The following RINT1 variants were observed in gnomAD, a reference collection of about 807,000 sequenced individuals.
RINT1 encodes RAD50-interacting protein 1.
RINT1 carries 75 observed loss-of-function variants against 97.7 expected under a neutral mutation model. The observed-to-expected ratio is 0.77, with a 90% confidence interval of 0.64 to 0.93. The LOEUF (loss-of-function observed/expected upper bound fraction) is 0.93, where lower values mean the gene tolerates loss of function less well. Among genes scored for constraint, RINT1 ranks in the 40% least tolerant of loss-of-function variants. The pLI is 0.00. For missense variants in RINT1, 892 were observed against 925.2 expected (o/e 0.96, Z 0.47); for synonymous variants, 303 against 326.3 (o/e 0.93, Z 0.77).
intron 7 of RINT1, among the ~76,000 whole-genome samples, chr7:105,549,739 G>A (rs1790846639): frequency 6.6e-6 from 1 of 152,052 alleles, no homozygotes; most frequent in Non-Finnish European, 1.5e-5. Context: ...AAAAAATATA[G>A]GCCATCAGTT....
intron 2 of RINT1, among the ~76,000 whole-genome samples, chr7:105,533,751 A>G (rs777185263): frequency 1.3e-5 from 2 of 152,158 alleles, no homozygotes; most frequent in African/African-American, 2.4e-5. Flanking sequence ...TTCTTGAAGG[A>G]TTTCAGAGTG....
chr7:105,544,526 C>CTG (rs1790581266), intron 4 of RINT1, among the ~76,000 whole-genome samples: 4 of 152,038 alleles, frequency 2.6e-5, no homozygotes, highest in African/African-American at 4.8e-5. Context: ...CCTCCACCTC[C>CTG]CGGGTTCAAG....
intron 3 of RINT1, 153 bp from the exon 4 acceptor site, chr7:105,542,255 A>G (rs1562843756): frequency 2.1e-5 from 13 of 607,720 alleles, no homozygotes; most frequent in Non-Finnish European, 8.6e-6. Flanking sequence ...GGATTGGTTG[A>G]GCCCAGGAAG....
Position 105,550,079 on chromosome 7 carries a change from C to T in RINT1, c.1021C>T (p.Leu341Phe), listed in dbSNP as rs151055286. The stretch of plus-strand genomic sequence containing the variant: ...GCCAGAATGGTACTTGGCTCAAGTA[C>T]TTATGTGGATTGGAAACCATACTGA... ...SKPEWYLAQV[L>F]MWIGNHTEFL... The change falls in exon 8 of 15, where the codon CTT (leucine) becomes TTT (phenylalanine). Residue 341 changes from leucine (L) to phenylalanine (F), a missense_variant. Transcript: ENST00000257700. 5 of 1,612,666 alleles carry T rather than the reference C, an allele frequency of 3.1e-6. No homozygotes were observed. Among genetic ancestry groups the T allele is most frequent in the Non-Finnish European group, 8.5e-7 (1 of 1,179,102 alleles).
chr7:105,554,240 A>C (rs1791074491), intron 10 of RINT1, among the ~76,000 whole-genome samples: 1 of 151,688 alleles, frequency 6.6e-6, no homozygotes, highest in South Asian at 2.1e-4. Flanking sequence ...TCACTGTGTT[A>C]GCCAGGATGG....
Position 105,567,279 on chromosome 7 carries a change from T to A in RINT1, c.2347T>A (p.Leu783Met). Reference sequence around the variant, plus strand: ...ACAAGATGTTGAGATTCTACTTAATTTGAGGACAAATTGGCCTAATACTGG... The same window carrying A: ...ACAAGATGTTGAGATTCTACTTAATATGAGGACAAATTGGCCTAATACTGG... Reference protein sequence around the residue: ...AQQDVEILLNLRTNWPNTGK With the variant: ...AQQDVEILLNMRTNWPNTGK Residue 783 changes from leucine (L) to methionine (M), a missense_variant, in exon 15 of 15, where the codon TTG becomes ATG. Leu to Met is a conservative substitution (Grantham distance 15). Coordinates refer to ENST00000257700, the MANE Select transcript of RINT1 (RefSeq NM_021930.6). 1 of 1,608,018 alleles carries A rather than the reference T, an allele frequency of 6.2e-7. No individual in the cohort carries two copies. The highest frequency in any genetic ancestry group is 8.5e-7 in the Non-Finnish European group (1 of 1,178,310).
Position 105,536,359 on chromosome 7 carries a change from G to A in RINT1, c.89-206G>A, listed in dbSNP as rs146511637. Among the ~76,000 whole-genome samples the A allele has an allele frequency of 9.4e-3, 1,427 of 151,892 alleles. 51 individuals carry two copies. Among genetic ancestry groups the A allele is most frequent in the Admixed American group, 0.064 (979 of 15,226 alleles). On this transcript the variant is annotated intron_variant, in intron 2 of 14. Transcript: ENST00000257700. ...TTTTTAGTAGAGACGGGATTTCGCCGTGTTTGCCAGGCTAGTCTTAAACTC... is the reference window on the plus strand; with the variant it reads ...TTTTTAGTAGAGACGGGATTTCGCCATGTTTGCCAGGCTAGTCTTAAACTC...
intron 11 of RINT1, among the ~76,000 whole-genome samples, chr7:105,558,789 G>A (rs181611286): frequency 1.1e-4 from 15 of 139,526 alleles, no homozygotes; most frequent in African/African-American, 3.7e-4. Context: ...GGGAGACCCT[G>A]TCTCTACATA....
At chr7:105,542,345 T>A (rs2133372776) in intron 3 of RINT1, 63 bp from the exon 4 acceptor site, 3 of 1,350,174 alleles carry the variant, frequency 2.2e-6, no homozygotes, top group Non-Finnish European at 3.1e-6. Context: ...AAAAAAAAAA[T>A]TATGAAAATT....
At position 105,536,722 on chromosome 7, in the gene RINT1, A is replaced by G. The variant is rs1790251395; in HGVS notation, c.246A>G (p.Thr82=). ...KKLDKLIEQR[T]VSKMQLEEQV... is the part of the protein sequence containing the mutation. ...TTGATAAACTCATAGAACAGAGGAC[A>G]GTAAGTAAAATGCAGTTAGAAGAAC... The change falls in exon 3 of 15, where the codon ACA becomes ACG. Residue 82 remains threonine, a synonymous_variant. Coordinates refer to ENST00000257700, the MANE Select transcript of RINT1 (RefSeq NM_021930.6). 6.2e-7 allele frequency: 1 copy of G among 1,600,448 alleles called. No homozygotes were observed. The highest frequency in any genetic ancestry group is 8.5e-7 in the Non-Finnish European group (1 of 1,174,936).
chr7:105,534,566 A>G (rs957309479), intron 2 of RINT1, among the ~76,000 whole-genome samples: 4 of 149,352 alleles, frequency 2.7e-5, no homozygotes, highest in Non-Finnish European at 4.4e-5. Flanking sequence ...ATATATAATT[A>G]TATAGTATAA....
chr7:105,564,536 G>A (rs1050278951), intron 12 of RINT1, among the ~76,000 whole-genome samples: 1 of 152,062 alleles, frequency 6.6e-6, no homozygotes, highest in Non-Finnish European at 1.5e-5. Context: ...TTTTGTTGTG[G>A]TTTATCCCAC....
chr7:105,564,446 A>G (rs1326770218), intron 12 of RINT1, among the ~76,000 whole-genome samples: 1 of 152,096 alleles, frequency 6.6e-6, no homozygotes, highest in African/African-American at 2.4e-5. Context: ...TATCAATAGG[A>G]TAGTGTGTGA....
chr7:105,532,209 C>G lies in RINT1; in HGVS notation c.-107C>G. ...ATCGAGAGGAAGTCGCTGTGGCACT[C>G]AGTCCTACGGCCTCCGAGGCTGGGT... On this transcript the variant is annotated 5_prime_UTR_variant, in exon 1 of 15. Transcript: ENST00000257700. The G allele has an allele frequency of 1.6e-6, 2 of 1,246,248 alleles. No homozygotes were observed. Among genetic ancestry groups the G allele is most frequent in the South Asian group, 1.4e-5 (1 of 71,840 alleles). The allele number at this position is 1,246,248 out of a possible 1,614,324, so 77.2% of individuals were successfully genotyped here. A position where few individuals can be genotyped will look rare whatever the true frequency, so the allele number is the denominator to read the frequency against.
intron 6 of RINT1, among the ~76,000 whole-genome samples, chr7:105,547,816 C>T (rs1386241934): frequency 1.3e-5 from 2 of 151,046 alleles, no homozygotes; most frequent in African/African-American, 2.4e-5. Context: ...CAGCCTCCAC[C>T]TCCCGGGTTC....
At chr7:105,545,231 G>T (rs909559586) in intron 4 of RINT1, among the ~76,000 whole-genome samples, 3 of 151,606 alleles carry the variant, frequency 2.0e-5, no homozygotes, top group African/African-American at 7.3e-5. Flanking sequence ...TGGGCAGATC[G>T]CTTGAGCTCT....
chr7:105,553,938 G>A lies in RINT1; in HGVS notation c.1472-1090G>A, dbSNP rs866481138. 7.0e-4 allele frequency among the ~76,000 whole-genome samples: 81 copies of A among 116,310 alleles called. 1 individual carries two copies. The highest frequency in any genetic ancestry group is 9.6e-3 in the Middle Eastern group (1 of 104). The allele number at this position is 116,310 out of a possible 152,430, so 76.3% of individuals were successfully genotyped here. On this transcript the variant is annotated intron_variant, in intron 10 of 14. Transcript: ENST00000257700. The stretch of plus-strand genomic sequence containing the variant: ...TTTTGAGATGGAGTCTCACTCTGTC[G>A]CCCAGGCTGGAGTGCAGTGGCGCCA...
rs185684106 is a variant in RINT1, at chr7:105,565,422, C to T, written c.2032C>T (p.Leu678Phe). The T allele has an allele frequency of 1.9e-5, 30 of 1,614,114 alleles. No homozygotes were observed. In the Admixed American group the frequency reaches 4.3e-4, roughly 23 times the overall value. ...FSLFKIFWQM[L>F]VEKLDVYIYQ... ...CTTATTTAAAATTTTCTGGCAAATG[C>T]TTGTAGAGAAGCTGGATGTATACAT... Residue 678 changes from leucine to phenylalanine, a missense_variant, in exon 13 of 15, where the codon CTT (leucine) becomes TTT (phenylalanine). Coordinates refer to ENST00000257700, the MANE Select transcript of RINT1 (RefSeq NM_021930.6).
chr7:105,547,162 A>T (rs779647976), intron 5 of RINT1, 22 bp from the exon 6 acceptor site: 2 of 1,614,112 alleles, frequency 1.2e-6, no homozygotes, highest in South Asian at 2.2e-5. Flanking sequence ...ACTGAAATGT[A>T]TGTGTTACTT....
Sources: gnomAD v4.1 joint callset for allele counts (sites outside exome capture counted in the v4.1 genomes callset) on GRCh38, gnomAD v4.1.1 for gene constraint, MANE v1.5 for transcripts, NCBI Gene and HGNC (gene_info 2026-07-23, HGNC 2026-07-21) for gene names.